The following DMXL1 variants were observed in gnomAD, a reference collection of about 807,000 sequenced individuals.
DMXL1 encodes dmX-like protein 1.
In DMXL1, 99 loss-of-function variants were observed where a neutral mutation model predicts 319.2. The observed-to-expected ratio is 0.31, with a 90% confidence interval of 0.26 to 0.37. DMXL1 has a LOEUF of 0.37. Ranked by LOEUF, DMXL1 falls within the 10% of genes least tolerant of loss-of-function variation. The probability of loss-of-function intolerance (pLI) is 1.00; values close to 1 mark genes in which losing one functional copy is unlikely to be tolerated. For missense variants in DMXL1, 3,745 were observed against 3,595.6 expected (o/e 1.04, Z -1.06); for synonymous variants, 1,385 against 1,235.2 (o/e 1.12, Z -2.54).
At chr5:119,109,061 A>G (rs1229968749) in intron 4 of DMXL1, among the ~76,000 whole-genome samples, 4 of 152,128 alleles carry the variant, frequency 2.6e-5, no homozygotes, top group African/African-American at 7.2e-5. Context: ...TTGGCCTCCC[A>G]AAGTGCTGGG....
intron 31 of DMXL1, 122 bp from the exon 32 acceptor site, chr5:119,197,633 T>A: frequency 1.1e-6 from 1 of 895,698 alleles, no homozygotes; most frequent in Non-Finnish European, 1.7e-6. Context: ...TATGTTAATA[T>A]TTCATCTCAG....
At chr5:119,210,756 C>CTTTTTTTTTT (rs1205202596) in intron 34 of DMXL1, among the ~76,000 whole-genome samples, 1 of 65,968 alleles carries the variant, frequency 1.5e-5, no homozygotes, top group African/African-American at 5.0e-5. Context: ...TTTTTTCTTT[C>CTTTTTTTTTT]GTTTTTTTTT....
intron 19 of DMXL1, 124 bp from the exon 20 acceptor site, chr5:119,164,383 A>G: frequency 2.3e-6 from 2 of 855,162 alleles, no homozygotes; most frequent in South Asian, 2.5e-5. Context: ...CCATATTTCC[A>G]ATCTTAAACT....
At chr5:119,213,947 A>G (rs745365824) in intron 34 of DMXL1, among the ~76,000 whole-genome samples, 7 of 152,320 alleles carry the variant, frequency 4.6e-5, no homozygotes, top group Middle Eastern at 3.4e-3. Flanking sequence ...TATATTAGCT[A>G]ATTGATAACT....
At chr5:119,109,312 G>A (rs1367495865) in intron 4 of DMXL1, among the ~76,000 whole-genome samples, 2 of 152,026 alleles carry the variant, frequency 1.3e-5, no homozygotes, top group South Asian at 2.1e-4. Context: ...TGTGATTTTT[G>A]TATGTTATCT....
At chr5:119,112,855 G>T (rs2149866900) in intron 5 of DMXL1, among the ~76,000 whole-genome samples, 1 of 152,226 alleles carries the variant, frequency 6.6e-6, no homozygotes, top group African/African-American at 2.4e-5. Context: ...TACTTGGGAG[G>T]CTGAGGCATG....
chr5:119,091,281 A>C (rs1003521953), intron 1 of DMXL1, among the ~76,000 whole-genome samples: 1 of 152,092 alleles, frequency 6.6e-6, no homozygotes, highest in African/African-American at 2.4e-5. Flanking sequence ...ATCACAGCTC[A>C]CTGCAGCCTT....
chr5:119,075,857 G>T (rs73240798), intron 1 of DMXL1, among the ~76,000 whole-genome samples: 4,218 of 152,158 alleles, frequency 0.028, 223 homozygotes, highest in African/African-American at 0.096. Context: ...GAGCTGCCAT[G>T]TCCACCCTGC....
At chr5:119,133,067 T>C in intron 10 of DMXL1, 65 bp from the exon 11 acceptor site, 1 of 1,562,778 alleles carries the variant, frequency 6.4e-7, no homozygotes, top group Non-Finnish European at 8.7e-7. Context: ...AGAAGCTCGG[T>C]AATTCTTAAT....
intron 30 of DMXL1, 76 bp from the exon 31 acceptor site, chr5:119,196,295 G>A (rs1314189947): frequency 9.0e-7 from 1 of 1,105,860 alleles, no homozygotes; most frequent in Admixed American, 1.7e-5. Context: ...AGTGGAATTT[G>A]TTGAGTCAAA....
chr5:119,144,758 G>T, intron 15 of DMXL1, 120 bp downstream of exon 15: 3 of 554,306 alleles, frequency 5.4e-6, no homozygotes, highest in South Asian at 3.8e-5. Flanking sequence ...GGGTAGGTTT[G>T]TTTATTAAAT....
chr5:119,182,300 A>C (rs751781153), intron 28 of DMXL1, among the ~76,000 whole-genome samples: 1 of 152,226 alleles, frequency 6.6e-6, no homozygotes, highest in African/African-American at 2.4e-5. Context: ...AGAATATTTC[A>C]TTTTCCTGAC....
At chr5:119,211,980 G>A (rs978185186) in intron 34 of DMXL1, among the ~76,000 whole-genome samples, 1 of 152,120 alleles carries the variant, frequency 6.6e-6, no homozygotes, top group African/African-American at 2.4e-5. Context: ...TTCTCCTCCA[G>A]CTTCTAAGGG....
chr5:119,219,125 C>T (rs1784202832), intron 35 of DMXL1, among the ~76,000 whole-genome samples: 1 of 152,248 alleles, frequency 6.6e-6, no homozygotes, highest in African/African-American at 2.4e-5. Context: ...CAGCACTTTA[C>T]ACTGGTTGCC....
Position 119,110,251 on chromosome 5 carries a change from C to G in DMXL1, c.465C>G (p.Asn155Lys). 6.3e-7 allele frequency: 1 copy of G among 1,577,454 alleles called. No homozygotes were observed. Among genetic ancestry groups the G allele is most frequent in the Non-Finnish European group, 8.6e-7 (1 of 1,169,252 alleles). ...AAAATTTAAATAAAACAGATCTTAA[C>G]TTTGGAGATTGGAAATGCATTTGGC... ...EDENLNKTDL[N>K]FGDWKCIWHC... Residue 155 changes from asparagine (N) to lysine (K), a missense_variant, in exon 5 of 44, where the codon AAC (asparagine) becomes AAG (lysine). Transcript: ENST00000539542.
At chr5:119,233,547 G>C (rs547615485) in intron 39 of DMXL1, 80 bp downstream of exon 39, 1 of 1,189,908 alleles carries the variant, frequency 8.4e-7, no homozygotes, top group Admixed American at 1.9e-5. Flanking sequence ...TTTCTGAAAA[G>C]AACAGCTCCG....
intron 3 of DMXL1, among the ~76,000 whole-genome samples, chr5:119,102,964 C>T (rs1311407006): frequency 6.6e-6 from 1 of 152,066 alleles, no homozygotes; most frequent in Non-Finnish European, 1.5e-5. Flanking sequence ...GAAAAGATAA[C>T]TATTGGGTAC....
chr5:119,170,586 T>C lies in DMXL1; in HGVS notation c.5795T>C (p.Phe1932Ser). The change falls in exon 24 of 44, where the codon TTT (phenylalanine) becomes TCT (serine). Residue 1932 changes from phenylalanine (F) to serine (S), a missense_variant. Phe to Ser is a radical substitution (Grantham distance 155). Around this residue, in one of 4 missense-constraint regions of DMXL1, gnomAD observed 1,382 missense variants for 1,269.5 expected, o/e 1.09. Coordinates refer to ENST00000539542, the MANE Select transcript of DMXL1 (RefSeq NM_001290321.3). ...TGGTCACAGTCACTGATAAATGGTT[T>C]TGGATCTTCTTCAGAGGGTTCCTCA... is the stretch of plus-strand genomic sequence containing the variant. The part of the protein sequence containing the change: ...VDWSQSLING[F>S]GSSSEGSSEK... 1 of 1,613,876 alleles carries C rather than the reference T, an allele frequency of 6.2e-7. No individual in the cohort carries two copies. The highest frequency in any genetic ancestry group is 1.7e-5 in the Admixed American group (1 of 59,988).
chr5:119,214,162 T>G (rs536381676), intron 34 of DMXL1, among the ~76,000 whole-genome samples: 4 of 152,202 alleles, frequency 2.6e-5, no homozygotes, highest in African/African-American at 9.6e-5. Flanking sequence ...TACTCCCTAC[T>G]GTTTCCTTCA....
Sources: allele counts gnomAD v4.1 joint callset (sites outside exome capture counted in the v4.1 genomes callset), GRCh38; gene constraint gnomAD v4.1.1; regional missense constraint gnomAD v4.1.1; transcripts MANE v1.5; gene names NCBI Gene and HGNC (gene_info 2026-07-23, HGNC 2026-07-21).